Variants in PCSK5 observed in about 807,000 individuals in gnomAD.
PCSK5 encodes the protein prohormone convertase 5.
In PCSK5, 129 loss-of-function variants were observed where a neutral mutation model predicts 233.2. The observed-to-expected ratio is 0.55, with a 90% CI of 0.48 to 0.64. PCSK5 has a LOEUF of 0.64. Among genes scored for constraint, PCSK5 ranks in the 30% least tolerant of loss-of-function variants. The probability of loss-of-function intolerance (pLI) is 0.00; values close to 1 mark genes in which losing one functional copy is unlikely to be tolerated. For missense variants in PCSK5, 2,076 were observed against 2,430.1 expected (o/e 0.85, Z 3.06); for synonymous variants, 825 against 879.2 (o/e 0.94, Z 1.09).
At chr9:76,007,315 T>C (rs906600015) in intron 3 of PCSK5, among the ~76,000 whole-genome samples, 3 of 152,218 alleles carry the variant, frequency 2.0e-5, no homozygotes, top group East Asian at 1.9e-4. Flanking sequence ...AATTTTTTAG[T>C]AGAATTTTAA....
intron 24 of PCSK5, among the ~76,000 whole-genome samples, chr9:76,284,657 C>T (rs1447053669): frequency 6.6e-6 from 1 of 151,628 alleles, no homozygotes; most frequent in Non-Finnish European, 1.5e-5. Flanking sequence ...CTCAACCTCC[C>T]AAGTAGCTGG....
intron 9 of PCSK5, among the ~76,000 whole-genome samples, chr9:76,133,562 G>T (rs1410024576): frequency 6.6e-6 from 1 of 151,974 alleles, no homozygotes; most frequent in Non-Finnish European, 1.5e-5. Flanking sequence ...TCTGTACCAT[G>T]TTCTCTTCCT....
At chr9:75,960,033 G>C (rs916739024) in intron 2 of PCSK5, among the ~76,000 whole-genome samples, 9 of 152,200 alleles carry the variant, frequency 5.9e-5, no homozygotes, top group Admixed American at 5.9e-4. Flanking sequence ...AAACTCATGT[G>C]TCCAACACCA....
chr9:76,023,020 T>G (rs1828267102), intron 3 of PCSK5, among the ~76,000 whole-genome samples: 1 of 152,222 alleles, frequency 6.6e-6, no homozygotes, highest in African/African-American at 2.4e-5. Flanking sequence ...GTTCGATTTG[T>G]AGCTGGATGG....
At chr9:76,177,383 G>A (rs1463223056) in intron 14 of PCSK5, among the ~76,000 whole-genome samples, 1 of 152,130 alleles carries the variant, frequency 6.6e-6, no homozygotes, top group African/African-American at 2.4e-5. Context: ...CAGTTCTGAG[G>A]TTTTCCTCTA....
At chr9:76,042,712 T>C (rs1238412351) in intron 5 of PCSK5, among the ~76,000 whole-genome samples, 1 of 152,204 alleles carries the variant, frequency 6.6e-6, no homozygotes, top group East Asian at 1.9e-4. Context: ...TGAATATTTG[T>C]TGCCTGAGGA....
At chr9:76,168,082 C>T (rs1823162758) in intron 12 of PCSK5, among the ~76,000 whole-genome samples, 2 of 152,156 alleles carry the variant, frequency 1.3e-5, no homozygotes, top group African/African-American at 4.8e-5. Flanking sequence ...TTCATCTTTA[C>T]AGAAAATGTC....
intron 19 of PCSK5, 140 bp downstream of exon 19, chr9:76,189,363 C>A: frequency 1.3e-6 from 1 of 748,952 alleles, no homozygotes; most frequent in Non-Finnish European, 2.2e-6. Flanking sequence ...TGTTCTGAAG[C>A]TTTCACCCAG....
chr9:76,134,080 A>G (rs1476992781), intron 9 of PCSK5, 29 bp from the exon 10 acceptor site: 1 of 1,340,702 alleles, frequency 7.5e-7, no homozygotes. Flanking sequence ...TTTTTTTGGT[A>G]CAATGATTCT....
chr9:75,943,306 G>C (rs1824406486), intron 2 of PCSK5, among the ~76,000 whole-genome samples: 1 of 152,194 alleles, frequency 6.6e-6, no homozygotes, highest in Non-Finnish European at 1.5e-5. Context: ...TATAGTTTCT[G>C]TTGAAATCTT....
chr9:76,302,992 G>A (rs1211538871), intron 28 of PCSK5, among the ~76,000 whole-genome samples: 1 of 100,202 alleles, frequency 1.0e-5, no homozygotes, highest in East Asian at 3.2e-4. Flanking sequence ...TTGTGGTCCT[G>A]TCCAGTCTAG....
chr9:76,014,834 C>G (rs1827878152), intron 3 of PCSK5, among the ~76,000 whole-genome samples: 1 of 152,170 alleles, frequency 6.6e-6, no homozygotes, highest in Admixed American at 6.5e-5. Context: ...ATTGGCAATG[C>G]CCCATCATGA....
At chr9:75,960,752 C>T (rs934065930) in intron 2 of PCSK5, among the ~76,000 whole-genome samples, 5 of 152,138 alleles carry the variant, frequency 3.3e-5, no homozygotes, top group African/African-American at 1.2e-4. Flanking sequence ...AGCTGTTTCC[C>T]GAGTGCCTGC....
At chr9:76,302,959 C>CTTTTTTTTTTTT (rs10552673) in intron 28 of PCSK5, among the ~76,000 whole-genome samples, 6 of 87,470 alleles carry the variant, frequency 6.9e-5, no homozygotes, top group Non-Finnish European at 1.3e-4. Context: ...CAAAGTGGTT[C>CTTTTTTTTTTTT]TTTTTTTTTT....
chr9:75,937,590 A>G (rs927573238), intron 2 of PCSK5, among the ~76,000 whole-genome samples: 1 of 152,194 alleles, frequency 6.6e-6, no homozygotes, highest in Non-Finnish European at 1.5e-5. Context: ...GAGGTATCCT[A>G]TCCTTTGAAG....
chr9:76,292,942 A>T (rs1045246507), intron 25 of PCSK5, among the ~76,000 whole-genome samples: 3 of 152,214 alleles, frequency 2.0e-5, no homozygotes, highest in African/African-American at 7.2e-5. Context: ...CTAAGAACTC[A>T]GGAGTTTTGT....
chr9:75,949,779 C>T (rs943109802), intron 2 of PCSK5, among the ~76,000 whole-genome samples: 4 of 152,120 alleles, frequency 2.6e-5, no homozygotes, highest in African/African-American at 4.8e-5. Flanking sequence ...CCACCTCAGC[C>T]TCCCAAAATG....
intron 30 of PCSK5, 49 bp from the exon 31 acceptor site, chr9:76,321,373 T>G (rs763118626): frequency 9.9e-7 from 1 of 1,012,448 alleles, no homozygotes; most frequent in Admixed American, 1.7e-5. Flanking sequence ...AATGAGTCAC[T>G]TCTCCAGCAG....
rs545435821 is a variant in PCSK5, at chr9:75,891,553, A to T, written c.192+180A>T. 3.5e-3 allele frequency among the ~76,000 whole-genome samples: 535 copies of T among 151,444 alleles called. 4 individuals carry two copies. Among genetic ancestry groups the T allele is most frequent in the African/African-American group, 0.012 (513 of 41,292 alleles). The stretch of plus-strand genomic sequence containing the variant: ...TACGCACACACACACACACACACAC[A>T]CACACACACACCCCAGAGTTGCCGG... On this transcript the variant is annotated intron_variant, in intron 1 of 37. Coordinates refer to ENST00000674117, the MANE Select transcript of PCSK5 (RefSeq NM_001372043.1).
Sources: allele counts gnomAD v4.1 joint callset (sites outside exome capture counted in the v4.1 genomes callset), GRCh38; gene constraint gnomAD v4.1.1; transcripts MANE v1.5; gene names NCBI Gene and HGNC (gene_info 2026-07-23, HGNC 2026-07-21).